FRMD1: variants seen among roughly 807,000 people sequenced by gnomAD.
The protein encoded by FRMD1 is FERM domain containing 1.
FRMD1 carries 51 observed loss-of-function variants against 54.9 expected under a neutral mutation model. The ratio of observed to expected loss-of-function variants is 0.93; its 90% CI spans 0.74 to 1.17. The LOEUF (loss-of-function observed/expected upper bound fraction) is 1.17, where lower values mean the gene tolerates loss of function less well. Among genes scored for constraint, FRMD1 ranks in the 50% most tolerant of loss-of-function variants. FRMD1 has a pLI of 0.00. For missense variants in FRMD1, 729 were observed against 743.0 expected, an observed-to-expected ratio of 0.98 and a Z score of 0.22; for synonymous variants, 324 against 306.4, an observed-to-expected ratio of 1.06 and a Z score of -0.60.
chr6:168,062,410 T>A (rs1461711313), intron 7 of FRMD1, among the ~76,000 whole-genome samples: 1 of 152,166 alleles, frequency 6.6e-6, no homozygotes, highest in African/African-American at 2.4e-5. Flanking sequence ...TCTTCTTTTC[T>A]CCCTTGATTT....
chr6:168,063,035 C>A, intron 6 of FRMD1, 76 bp from the exon 7 acceptor site: 1 of 1,285,522 alleles, frequency 7.8e-7, no homozygotes, highest in Non-Finnish European at 1.1e-6. Context: ...TATGGTCAGT[C>A]TGGCTAGGGG....
intron 4 of FRMD1, 166 bp downstream of exon 4, chr6:168,066,589 T>A (rs1800036923): frequency 7.1e-7 from 1 of 1,415,736 alleles, no homozygotes; most frequent in South Asian, 1.6e-5. Context: ...TTAAATAGAA[T>A]TCCTGTGTTA....
chr6:168,065,806 A>G (rs1799998223), intron 4 of FRMD1: 13 of 999,280 alleles, frequency 1.3e-5, no homozygotes, highest in Non-Finnish European at 1.6e-5. Flanking sequence ...AACCGCACAC[A>G]TGCCTTTTGG....
chr6:168,080,806 T>TGCTGGTGTGGGCGGGC (rs1191353886), upstream of FRMD1, among the ~76,000 whole-genome samples: 100 of 151,360 alleles, frequency 6.6e-4, no homozygotes, highest in African/African-American at 2.4e-3. Flanking sequence ...TGTGTGCAGG[T>TGCTGGTGTGGGCGGGC]GCTGGTGTGT....
chr6:168,067,163 A>C, intron 3 of FRMD1: 2 of 700,760 alleles, frequency 2.9e-6, no homozygotes, highest in Non-Finnish European at 5.2e-6. Flanking sequence ...TTGGTCCAGC[A>C]CAGTCCACCG....
At chr6:168,063,080 C>T in intron 6 of FRMD1, 121 bp from the exon 7 acceptor site, 2 of 790,274 alleles carry the variant, frequency 2.5e-6, no homozygotes, top group South Asian at 1.5e-5. Flanking sequence ...AGCTCTGGGG[C>T]CCATTTACAG....
At chr6:168,057,386 C>A in intron 10 of FRMD1, 47 bp from the exon 11 acceptor site, 1 of 1,589,798 alleles carries the variant, frequency 6.3e-7, no homozygotes. Flanking sequence ...CCTCTCACTC[C>A]CACCACCGCA....
intron 2 of FRMD1, 137 bp downstream of exon 2, chr6:168,075,106 GCA>G: frequency 1.4e-6 from 1 of 710,892 alleles, no homozygotes; most frequent in South Asian, 1.6e-5. Context: ...TGTGCATTGT[GCA>G]TGGTGTGTGC....
intron 10 of FRMD1, among the ~76,000 whole-genome samples, chr6:168,058,574 G>C (rs1490847564): frequency 6.6e-6 from 1 of 152,194 alleles, no homozygotes; most frequent in Non-Finnish European, 1.5e-5. Flanking sequence ...TTGGGGGGTG[G>C]GGAGGGCAAC....
In FRMD1 at chr6:168,061,970, C is replaced by A; in HGVS notation, c.882G>T (p.Leu294=). The A allele has an allele frequency of 6.3e-7, 1 of 1,595,632 alleles. No homozygotes were observed. The highest frequency in any genetic ancestry group is 2.3e-5 in the East Asian group (1 of 43,920). ...CGGGCAGCCCATCCAGCTGGATCTC[C>A]AGCTTCTTTCCCTGAGCAAACAGGA... ...RGVHIYQGKK[L]EIQLDGLPAA... is the part of the protein sequence containing the mutation. The change falls in exon 8 of 11, where the codon CTG becomes CTT. Residue 294 remains leucine (L), a synonymous_variant. Transcript: ENST00000283309.
chr6:168,068,238 C>T (rs759922181), intron 2 of FRMD1, among the ~76,000 whole-genome samples: 17 of 152,252 alleles, frequency 1.1e-4, no homozygotes, highest in Non-Finnish European at 1.9e-4. Flanking sequence ...ATAAGAGACG[C>T]TTCTTTCTAA....
chr6:168,061,144 G>C, intron 8 of FRMD1, 87 bp from the exon 9 acceptor site: 1 of 1,329,606 alleles, frequency 7.5e-7, no homozygotes, highest in Non-Finnish European at 1.0e-6. Context: ...AGACAGAAAT[G>C]CACACCCACA....
intron 1 of FRMD1, among the ~76,000 whole-genome samples, chr6:168,077,125 T>G (rs571925357): frequency 8.6e-5 from 13 of 151,978 alleles, no homozygotes; most frequent in Non-Finnish European, 1.8e-4. Context: ...CAGACAGAGA[T>G]GTGTGCACAC....
intron 8 of FRMD1, among the ~76,000 whole-genome samples, chr6:168,061,392 C>T (rs1799726491): frequency 6.6e-6 from 1 of 151,876 alleles, no homozygotes; most frequent in Non-Finnish European, 1.5e-5. Context: ...GGAGGGAGGC[C>T]AGGCCTGTGG....
In FRMD1 at chr6:168,063,887, T is replaced by C. The variant is rs1014657993; in HGVS notation, c.649-131A>G. On this transcript the variant is annotated intron_variant, in intron 5 of 10. Transcript: ENST00000283309. The stretch of plus-strand genomic sequence containing the variant: ...AACCTCGGTGGGCAGGGCCAGGGCC[T>C]GGCTGCTGAGCCCAGAACCAGAGAT... 7 of 1,059,868 alleles carry C rather than the reference T, an allele frequency of 6.6e-6. No individual in the cohort carries two copies. The African/African-American group carries it at 8.2e-5, about 12-fold the overall frequency. The allele number at this position is 1,059,868 out of a possible 1,614,324, so 65.7% of individuals were successfully genotyped here.
chr6:168,062,807 G>T, intron 7 of FRMD1, 87 bp downstream of exon 7: 1 of 1,605,436 alleles, frequency 6.2e-7, no homozygotes, highest in Non-Finnish European at 8.5e-7. Flanking sequence ...CTGCAGGGAT[G>T]CTACACAGCC....
At position 168,075,885 on chromosome 6, in the gene FRMD1, TTCCGGCGTCCCGTG is replaced by T; in HGVS notation, c.214-564_214-551del. 5.7e-5 allele frequency: 24 copies of T among 417,400 alleles called. 8 individuals carry two copies. Among genetic ancestry groups the T allele is most frequent in the East Asian group, 2.4e-4 (3 of 12,480 alleles). 25.9% of individuals were successfully genotyped at this position (417,400 alleles called of 1,614,324 possible). ...CATTTCCGGTGCCCGGTGTCCACATTTCCGGCGTCCCGTGTCCACATTTCCGGTGCCCGGTGTCC... is the reference window on the plus strand; with the variant it reads ...CATTTCCGGTGCCCGGTGTCCACATTTCCACATTTCCGGTGCCCGGTGTCC... On this transcript the variant is annotated intron_variant, in intron 1 of 10. Transcript: ENST00000283309.
chr6:168,061,639 T>G (rs1799739076), intron 8 of FRMD1, among the ~76,000 whole-genome samples, 168 bp downstream of exon 8: 1 of 152,216 alleles, frequency 6.6e-6, no homozygotes, highest in African/African-American at 2.4e-5. Flanking sequence ...CAGGCAGAGC[T>G]GGGGGCCACC....
Position 168,078,863 on chromosome 6 carries a change from C to T in FRMD1, c.213+19G>A, listed in dbSNP as rs370160560. On this transcript the variant is annotated intron_variant, in intron 1 of 10. Coordinates refer to ENST00000283309, the MANE Select transcript of FRMD1 (RefSeq NM_024919.6). ...CCACAGCTCTGTTTACCCCCACGGC[C>T]ACCCAGGGCCCTGCTCACCCCCACG... 11 of 1,545,610 alleles carry T rather than the reference C, an allele frequency of 7.1e-6. No homozygotes were observed. The highest frequency in any genetic ancestry group is 1.4e-5 in the African/African-American group (1 of 72,796).
Sources: gnomAD v4.1 joint callset for allele counts (sites outside exome capture counted in the v4.1 genomes callset) on GRCh38, gnomAD v4.1.1 for gene constraint, MANE v1.5 for transcripts, NCBI Gene and HGNC (gene_info 2026-07-23, HGNC 2026-07-21) for gene names.